Variants in ANK3 observed in about 807,000 individuals in gnomAD.
ANK3 encodes the protein ankyrin 3, also known as ankyrin-3.
Under a neutral mutation model 370.9 loss-of-function variants are expected in ANK3, and 57 were observed. That is an observed-to-expected ratio of 0.15 (90% confidence interval 0.12 to 0.19). The LOEUF (loss-of-function observed/expected upper bound fraction) is 0.19, where lower values mean the gene tolerates loss of function less well. Among genes scored for constraint, ANK3 ranks in the 10% least tolerant of loss-of-function variants. The pLI is 1.00. For synonymous variants in ANK3, 1,929 were observed against 1,946.3 expected, an observed-to-expected ratio of 0.99 and a Z score of 0.23; for missense variants, 4,439 against 5,302.1, an observed-to-expected ratio of 0.84 and a Z score of 5.06.
chr10:60,165,086 A>T (rs912731895), intron 23 of ANK3, among the ~76,000 whole-genome samples: 1 of 152,166 alleles, frequency 6.6e-6, no homozygotes, highest in African/African-American at 2.4e-5. Context: ...AGTCCATTCA[A>T]ACTTGGCCTC....
At chr10:60,473,517 G>C (rs553822087) in intron 2 of ANK3, among the ~76,000 whole-genome samples, 1 of 152,200 alleles carries the variant, frequency 6.6e-6, no homozygotes, top group Non-Finnish European at 1.5e-5. Context: ...GCAATAATGC[G>C]CATCTCAAAT....
chr10:60,661,648 G>A (rs966609584), intron 1 of ANK3, among the ~76,000 whole-genome samples: 10 of 152,156 alleles, frequency 6.6e-5, no homozygotes, highest in South Asian at 4.2e-4. Context: ...CTCCAGCACC[G>A]TGATGGCCTG....
At position 60,657,140 on chromosome 10, in the gene ANK3, C is replaced by T. The variant is rs1283974616; in HGVS notation, c.58-41916G>A. 2.6e-5 allele frequency among the ~76,000 whole-genome samples: 4 copies of T among 152,146 alleles called. No homozygotes were observed. The East Asian group carries it at 5.8e-4, about 22-fold the overall frequency. On this transcript the variant is annotated intron_variant, in intron 1 of 43. Transcript: ENST00000373827. ...GATGGCAGCAGGCAAAGACAGAGAG[C>T]TTATGCAGGGGAACTCCTCTTCATA...
chr10:60,232,325 C>T (rs2097258597), intron 8 of ANK3, among the ~76,000 whole-genome samples: 1 of 151,524 alleles, frequency 6.6e-6, no homozygotes, highest in African/African-American at 2.4e-5. Flanking sequence ...TCTTGGTAAC[C>T]CTCATTTCCC....
Position 60,198,112 on chromosome 10 carries a change from G to A in ANK3, c.1689+228C>T, listed in dbSNP as rs189681499. ...GAAATCTGACTCTGGATATCAGTAA[G>A]GTTTCATTGGAAGATAACATACTAA... On this transcript the variant is annotated intron_variant, in intron 14 of 43. Coordinates refer to ENST00000280772, the MANE Select transcript of ANK3 (RefSeq NM_020987.5). Among the ~76,000 whole-genome samples, 78 of 152,240 alleles carry A rather than the reference G, an allele frequency of 5.1e-4. 1 individual carries two copies. The highest frequency in any genetic ancestry group is 1.7e-3 in the African/African-American group (70 of 41,554).
chr10:60,131,879 G>GA (rs1329342380), intron 25 of ANK3, among the ~76,000 whole-genome samples: 1 of 152,154 alleles, frequency 6.6e-6, no homozygotes, highest in Non-Finnish European at 1.5e-5. Flanking sequence ...TTAATATGCA[G>GA]AAATATAAGC....
rs1388608153 is a variant in ANK3 at position 60,186,917 on chromosome 10, C to T, written c.1888-5G>A. ...GTGCAGTGGCGTATAACCATTCTGT[C>T]AACACAAATCACTTGGTCACATGCC... On this transcript the variant is annotated splice_polypyrimidine_tract_variant and splice_region_variant and intron_variant, in intron 16 of 43. Coordinates refer to ENST00000280772, the MANE Select transcript of ANK3 (RefSeq NM_020987.5). 6.2e-7 allele frequency: 1 copy of T among 1,613,834 alleles called. No homozygotes were observed. The highest frequency in any genetic ancestry group is 1.1e-5 in the South Asian group (1 of 91,022).
intron 1 of ANK3, among the ~76,000 whole-genome samples, chr10:60,629,838 C>A (rs1027895732): frequency 2.0e-5 from 3 of 152,028 alleles, no homozygotes; most frequent in African/African-American, 7.2e-5. Context: ...AATACAGACT[C>A]ATACTTTTTT....
At chr10:60,707,466 A>G (rs2079636586) in intron 1 of ANK3, among the ~76,000 whole-genome samples, 2 of 152,142 alleles carry the variant, frequency 1.3e-5, no homozygotes, top group Non-Finnish European at 2.9e-5. Context: ...AAAATCATCA[A>G]GAGAAAACAC....
chr10:60,713,625 C>T (rs943041641), intron 1 of ANK3, among the ~76,000 whole-genome samples: 1 of 152,150 alleles, frequency 6.6e-6, no homozygotes, highest in Non-Finnish European at 1.5e-5. Context: ...GTGCAGTGCT[C>T]ATGCCTGTAA....
chr10:60,610,473 A>G (rs1420251597), intron 2 of ANK3, among the ~76,000 whole-genome samples: 3 of 150,856 alleles, frequency 2.0e-5, no homozygotes, highest in Non-Finnish European at 4.4e-5. Context: ...AGATTGTGCC[A>G]TTGCACTACA....
intron 1 of ANK3, among the ~76,000 whole-genome samples, chr10:60,355,021 A>T (rs1330653929): frequency 2.0e-5 from 3 of 152,166 alleles, no homozygotes; most frequent in Non-Finnish European, 4.4e-5. Flanking sequence ...CAGCTTACAA[A>T]TTTATTTTAT....
At chr10:60,456,420 A>T (rs2064748675) in intron 2 of ANK3, among the ~76,000 whole-genome samples, 1 of 152,168 alleles carries the variant, frequency 6.6e-6, no homozygotes, top group Non-Finnish European at 1.5e-5. Context: ...TGAGTAAGAA[A>T]ATTATATTAC....
chr10:60,220,239 C>G (rs1434051401), intron 8 of ANK3, among the ~76,000 whole-genome samples: 1 of 152,076 alleles, frequency 6.6e-6, no homozygotes, highest in Non-Finnish European at 1.5e-5. Context: ...TTCATTTTCT[C>G]TTCTGCAGAT....
intron 1 of ANK3, among the ~76,000 whole-genome samples, chr10:60,654,689 G>A (rs115702129): frequency 0.041 from 6,228 of 152,136 alleles, 161 homozygotes; most frequent in Middle Eastern, 0.075. Flanking sequence ...GCTTGTTTCT[G>A]AAGAGTTTTT....
At chr10:60,214,629 G>A (rs2096907363) in intron 8 of ANK3, among the ~76,000 whole-genome samples, 1 of 152,042 alleles carries the variant, frequency 6.6e-6, no homozygotes, top group Non-Finnish European at 1.5e-5. Context: ...TTCTGTTCCC[G>A]TGTTTGTTTG....
chr10:60,072,064 G>T lies in ANK3; in HGVS notation c.8817C>A (p.Asp2939Glu). 1 of 1,614,092 alleles carries T rather than the reference G, an allele frequency of 6.2e-7. No homozygotes were observed. Among genetic ancestry groups the T allele is most frequent in the African/African-American group, 1.3e-5 (1 of 75,048 alleles). Residue 2939 changes from aspartate (D) to glutamate (E), a missense_variant, in exon 37 of 44, where the codon GAC becomes GAA. Transcript: ENST00000280772. ...GCTGATCAAGCAATCCGCCTGGATG[G>T]TCCCCTTCTTTCACAACATATTCCC... ...LYREYVVKEGDHPGGLLDQPS... is the reference protein window; with the variant it reads ...LYREYVVKEGEHPGGLLDQPS...
rs2072614901 is a variant in ANK3, at chr10:60,028,710, C to G, written c.*1136G>C. On this transcript the variant is annotated 3_prime_UTR_variant, in exon 44 of 44. Coordinates refer to ENST00000280772, the MANE Select transcript of ANK3 (RefSeq NM_020987.5). ...TTACAGCGTGCTGCCATTCTACTAG[C>G]TAAGGATTTCTGTTCAGTCCTTTTT... is the stretch of plus-strand genomic sequence containing the variant. The G allele has an allele frequency of 6.6e-6, 1 of 152,604 alleles. No individual in the cohort carries two copies. Among genetic ancestry groups the G allele is most frequent in the South Asian group, 2.1e-4 (1 of 4,824 alleles). 9.5% of individuals were successfully genotyped at this position (152,604 alleles called of 1,614,324 possible). A position where few individuals can be genotyped will look rare whatever the true frequency, so the allele number is the denominator to read the frequency against.
chr10:60,690,140 C>T (rs1484919394), intron 1 of ANK3, among the ~76,000 whole-genome samples: 1 of 152,294 alleles, frequency 6.6e-6, no homozygotes, highest in East Asian at 1.9e-4. Flanking sequence ...ATAGGAACAG[C>T]TCCGGTCTAC....
Sources: gnomAD v4.1 joint callset for allele counts (sites outside exome capture counted in the v4.1 genomes callset) on GRCh38, gnomAD v4.1.1 for gene constraint, MANE v1.5 for transcripts, NCBI Gene and HGNC (gene_info 2026-07-23, HGNC 2026-07-21) for gene names.